ADAMTS15: variants seen among roughly 807,000 people sequenced by gnomAD.
The protein encoded by ADAMTS15 is ADAM metallopeptidase with thrombospondin type 1 motif 15.
A neutral mutation model predicts 79.1 loss-of-function variants in ADAMTS15; 35 were observed. The observed-to-expected ratio is 0.44, with a 90% CI of 0.34 to 0.59. The LOEUF is 0.59. ADAMTS15 is among the 20% of genes least tolerant of loss of function. The pLI is 0.02. For missense variants in ADAMTS15, 1,324 were observed against 1,318.7 expected (o/e 1.00, Z -0.06); for synonymous variants, 616 against 567.3 (o/e 1.09, Z -1.22).
In ADAMTS15 at chr11:130,468,779, A is replaced by AT. The variant is rs199644068; in HGVS notation, c.1543-483_1543-482insT. Among the ~76,000 whole-genome samples the AT allele has an allele frequency of 3.4e-3, 498 of 147,680 alleles. 3 individuals are homozygous for AT. Among genetic ancestry groups the AT allele is most frequent in the African/African-American group, 0.012 (478 of 39,846 alleles). Reference sequence around the variant, plus strand: ...GACTCCATCTCAAAAAAAAAAAAAAAAAAAATAATTAGCCGGGCATGGTAG... The same window carrying AT: ...GACTCCATCTCAAAAAAAAAAAAAAATAAAAATAATTAGCCGGGCATGGTAG... On this transcript the variant is annotated intron_variant, in intron 4 of 7. Coordinates refer to ENST00000299164, the MANE Select transcript of ADAMTS15 (RefSeq NM_139055.4).
intron 1 of ADAMTS15, among the ~76,000 whole-genome samples, chr11:130,452,391 A>G (rs1937983189): frequency 6.6e-6 from 1 of 152,218 alleles, no homozygotes; most frequent in African/African-American, 2.4e-5. Context: ...TGGAACCAGG[A>G]TCTGCGAAGA....
chr11:130,449,851 G>C lies in ADAMTS15; in HGVS notation c.878G>C (p.Cys293Ser), dbSNP rs750790365. The change falls in exon 1 of 8, where the codon TGT becomes TCT. Residue 293 changes from cysteine (C) to serine (S), a missense_variant. Coordinates refer to ENST00000299164, the MANE Select transcript of ADAMTS15 (RefSeq NM_139055.4). The surrounding 1 kb of genome is among the most constrained non-coding windows in gnomAD (Gnocchi z 7.8). ...GNAALTLRNF[C>S]AWQKKLNKVS... Reference sequence around the variant, plus strand: ...GCGGCCCTGACGCTGCGCAACTTCTGTGCCTGGCAGAAGAAGCTGAACAAA... The same window carrying C: ...GCGGCCCTGACGCTGCGCAACTTCTCTGCCTGGCAGAAGAAGCTGAACAAA... The C allele has an allele frequency of 6.2e-7, 1 of 1,606,994 alleles. No individual in the cohort carries two copies. The highest frequency in any genetic ancestry group is 2.2e-5 in the East Asian group (1 of 44,880).
rs578210227 is a variant in ADAMTS15, at chr11:130,472,672, C to A, written c.2079-375C>A. ...TCTGGGATGGTGGACTTACTCCTCC[C>A]GCCCCACCCCTCCTCCTCCTCCTCC... is the stretch of plus-strand genomic sequence containing the variant. On this transcript the variant is annotated intron_variant, in intron 7 of 7. Coordinates refer to ENST00000299164, the MANE Select transcript of ADAMTS15 (RefSeq NM_139055.4). This position sits in a 1 kb window ranked among gnomAD's most constrained non-coding sequence, Gnocchi z 4.7. 4.0e-5 allele frequency among the ~76,000 whole-genome samples: 6 copies of A among 150,304 alleles called. No individual in the cohort carries two copies. In the East Asian group the frequency reaches 1.2e-3, roughly 29 times the overall value.
At position 130,471,319 on chromosome 11, in the gene ADAMTS15, T is replaced by G. The variant is rs761003014; in HGVS notation, c.2014T>G (p.Cys672Gly). The G allele has an allele frequency of 2.5e-6, 4 of 1,612,210 alleles. No individual in the cohort carries two copies. The highest frequency in any genetic ancestry group is 3.4e-6 in the Non-Finnish European group (4 of 1,179,596). ...NLGSKKRFDK[C>G]GVCGGDNKSC... Reference sequence around the variant, plus strand: ...GGGCTCCAAGAAGAGATTCGACAAGTGTGGGGTGTGTGGGGGAGACAATAA... The same window carrying G: ...GGGCTCCAAGAAGAGATTCGACAAGGGTGGGGTGTGTGGGGGAGACAATAA... Residue 672 changes from cysteine to glycine, a missense_variant, in exon 7 of 8, where the codon TGT (cysteine) becomes GGT (glycine). Physicochemically the swap from Cys to Gly is radical, Grantham distance 159 (BLOSUM62 -3). Coordinates refer to ENST00000299164, the MANE Select transcript of ADAMTS15 (RefSeq NM_139055.4).
At chr11:130,469,938 T>G (rs914589688) in intron 5 of ADAMTS15, among the ~76,000 whole-genome samples, 4 of 151,402 alleles carry the variant, frequency 2.6e-5, no homozygotes, top group African/African-American at 9.7e-5. Context: ...CATCTAAAAT[T>G]TAGTATTTCT....
chr11:130,470,164 A>ATATATACGTG (rs1938407262), intron 5 of ADAMTS15, among the ~76,000 whole-genome samples: 1 of 58,248 alleles, frequency 1.7e-5, no homozygotes. Context: ...GTATATATAT[A>ATATATACGTG]TATATATATA....
rs943782265 is a variant in ADAMTS15 at position 130,472,632 on chromosome 11, C to T, written c.2079-415C>T. ...GCCAGTGTCCTCTCACTGCATTGAG[C>T]TCCTAGCCTCAGGCTCTGGGATGGT... On this transcript the variant is annotated intron_variant, in intron 7 of 7. Transcript: ENST00000299164. The surrounding 1 kb of genome is among the most constrained non-coding windows in gnomAD (Gnocchi z 4.7). 6.6e-6 allele frequency among the ~76,000 whole-genome samples: 1 copy of T among 152,178 alleles called. No individual in the cohort carries two copies. Among genetic ancestry groups the T allele is most frequent in the Admixed American group, 6.5e-5 (1 of 15,282 alleles).
rs1318003204 is a variant in ADAMTS15 at position 130,462,706 on chromosome 11, G to A, written c.1468G>A (p.Gly490Ser). ...CQTRHFPWAD[G>S]TSCGEGKLCL... ...GACCCGCCACTTCCCCTGGGCCGAT[G>A]GCACCAGCTGTGGCGAGGGCAAGCT... The change falls in exon 4 of 8, where the codon GGC (glycine) becomes AGC (serine). Residue 490 changes from glycine (G) to serine (S), a missense_variant. Coordinates refer to ENST00000299164, the MANE Select transcript of ADAMTS15 (RefSeq NM_139055.4). This position sits in a 1 kb window ranked among gnomAD's most constrained non-coding sequence, Gnocchi z 4.3. The A allele has an allele frequency of 1.2e-6, 2 of 1,612,260 alleles. No individual in the cohort carries two copies. Among genetic ancestry groups the A allele is most frequent in the Admixed American group, 1.7e-5 (1 of 60,006 alleles).
intron 4 of ADAMTS15, among the ~76,000 whole-genome samples, chr11:130,466,137 C>T (rs893005953): frequency 3.3e-5 from 5 of 152,122 alleles, no homozygotes; most frequent in African/African-American, 9.7e-5. Flanking sequence ...CCTCCCAAAG[C>T]GTTGGGATCA....
In ADAMTS15 at chr11:130,472,200, T is replaced by C. The variant is rs1487942345; in HGVS notation, c.2078+817T>C. ...GGCCTAGAAAATTTGGGAGCCCAGG[T>C]GCTGGTGATGGAAAGGCCTAGATGG... On this transcript the variant is annotated intron_variant, in intron 7 of 7. Transcript: ENST00000299164. The surrounding 1 kb of genome is among the most constrained non-coding windows in gnomAD (Gnocchi z 4.7). Among the ~76,000 whole-genome samples, 1 of 152,152 alleles carries C rather than the reference T, an allele frequency of 6.6e-6. No individual in the cohort carries two copies. Among genetic ancestry groups the C allele is most frequent in the Non-Finnish European group, 1.5e-5 (1 of 68,024 alleles).
Position 130,473,286 on chromosome 11 carries a change from G to A in ADAMTS15, c.2318G>A (p.Arg773Gln), listed in dbSNP as rs767744732. The change falls in exon 8 of 8, where the codon CGG (arginine) becomes CAG (glutamine). Residue 773 changes from arginine (R) to glutamine (Q), a missense_variant. Transcript: ENST00000299164. Reference sequence around the variant, plus strand: ...GCGGTGGAGAGCCTGCAGGCTTCCCGGCCCATCCTGGAGCCGCTGACCGTG... The same window carrying A: ...GCGGTGGAGAGCCTGCAGGCTTCCCAGCCCATCCTGGAGCCGCTGACCGTG... ...GTAVESLQAS[R>Q]PILEPLTVEV... is the part of the protein sequence containing the mutation. 8.1e-6 allele frequency: 13 copies of A among 1,613,124 alleles called. No individual in the cohort carries two copies. The highest frequency in any genetic ancestry group is 6.6e-5 in the South Asian group (6 of 91,072).
chr11:130,469,385 G>A lies in ADAMTS15; in HGVS notation c.1666G>A (p.Glu556Lys), dbSNP rs752805088. ...PTPANGGKYC[E>K]GVRVKYRSCN... is the part of the protein sequence containing the mutation. ...CCCTGCCAACGGGGGCAAGTACTGC[G>A]AGGGAGTGAGGGTGAAATACCGATC... The change falls in exon 5 of 8, where the codon GAG (glutamate) becomes AAG (lysine). Residue 556 changes from glutamate to lysine, a missense_variant. Glu to Lys is a moderately conservative substitution (Grantham distance 56). Coordinates refer to ENST00000299164, the MANE Select transcript of ADAMTS15 (RefSeq NM_139055.4). 3 of 1,354,662 alleles carry A rather than the reference G, an allele frequency of 2.2e-6. No homozygotes were observed. Among genetic ancestry groups the A allele is most frequent in the East Asian group, 5.6e-5 (2 of 35,852 alleles). 83.9% of individuals were successfully genotyped at this position (1,354,662 alleles called of 1,614,324 possible).
chr11:130,450,232 C>G, intron 1 of ADAMTS15: 1 of 985,478 alleles, frequency 1.0e-6, no homozygotes, highest in Non-Finnish European at 1.2e-6. Context: ...GAAGTTGCCG[C>G]CCCGGAGCTG....
chr11:130,449,506 C>A lies in ADAMTS15; in HGVS notation c.533C>A (p.Ser178Ter). The change falls in exon 1 of 8, where the codon TCG becomes TAG. Residue 178 changes from serine to a stop codon, truncating the protein, a stop_gained. Transcript: ENST00000299164. LOFTEE classifies it high-confidence loss of function. The surrounding 1 kb of genome is among the most constrained non-coding windows in gnomAD (Gnocchi z 7.8). ...GDPTSRCGVA[S>*]GWNPAILRAL... ...CCCACCTCTCGCTGCGGGGTGGCCT[C>A]GGGCTGGAACCCCGCCATCCTACGG... 6.4e-7 allele frequency: 1 copy of A among 1,553,656 alleles called. No homozygotes were observed. The highest frequency in any genetic ancestry group is 8.7e-7 in the Non-Finnish European group (1 of 1,151,930).
At chr11:130,465,195 C>T (rs191907035) in intron 4 of ADAMTS15, among the ~76,000 whole-genome samples, 65 of 152,128 alleles carry the variant, frequency 4.3e-4, no homozygotes, top group African/African-American at 8.0e-4. Flanking sequence ...TCTCATTTCC[C>T]GACGGGGGAA....
intron 1 of ADAMTS15, among the ~76,000 whole-genome samples, chr11:130,451,491 G>A (rs986058206): frequency 6.6e-6 from 1 of 152,216 alleles, no homozygotes; most frequent in African/African-American, 2.4e-5. Flanking sequence ...GCCTCTGCAA[G>A]CACTGCCTGA....
chr11:130,453,989 T>C (rs1938021543), intron 1 of ADAMTS15, among the ~76,000 whole-genome samples: 1 of 152,206 alleles, frequency 6.6e-6, no homozygotes, highest in African/African-American at 2.4e-5. Flanking sequence ...AAATTTCTTT[T>C]TTTGGAGACG....
intron 4 of ADAMTS15, among the ~76,000 whole-genome samples, chr11:130,464,281 T>C (rs556203965): frequency 2.0e-4 from 31 of 152,320 alleles, no homozygotes; most frequent in African/African-American, 6.7e-4. Context: ...TTCCACACTT[T>C]CTGGAATTCT....
In ADAMTS15 at chr11:130,462,233, G is replaced by A. The variant is rs267602782; in HGVS notation, c.1237G>A (p.Asp413Asn). 6.8e-6 allele frequency: 11 copies of A among 1,613,644 alleles called. No individual in the cohort carries two copies. Among genetic ancestry groups the A allele is most frequent in the South Asian group, 2.2e-5 (2 of 91,054 alleles). ...AGCCTGCAGTGCTGCCATCATCACC[G>A]ACTTCCTGGACAGCGGGCACGGTAA... ...WSACSAAIIT[D>N]FLDSGHGDCL... is the part of the protein sequence containing the mutation. Residue 413 changes from aspartate (D) to asparagine (N), a missense_variant, in exon 3 of 8, where the codon GAC becomes AAC. Asp to Asn is a conservative substitution (Grantham distance 23). Coordinates refer to ENST00000299164, the MANE Select transcript of ADAMTS15 (RefSeq NM_139055.4). This position sits in a 1 kb window ranked among gnomAD's most constrained non-coding sequence, Gnocchi z 4.3.
Sources: gnomAD v4.1 joint callset for allele counts (sites outside exome capture counted in the v4.1 genomes callset) on GRCh38, gnomAD v4.1.1 for gene constraint, Gnocchi (gnomAD v3.1) non-coding constraint, MANE v1.5 for transcripts, NCBI Gene and HGNC (gene_info 2026-07-23, HGNC 2026-07-21) for gene names.